Variants in SGCG observed in about 807,000 individuals in gnomAD.
The protein encoded by SGCG is gamma-sarcoglycan.
SGCG carries 26 observed loss-of-function variants against 29.3 expected under a neutral mutation model. That is an observed-to-expected ratio of 0.89 (90% CI 0.65 to 1.23). SGCG has a LOEUF of 1.23. Among genes scored for constraint, SGCG ranks in the 50% most tolerant of loss-of-function variants. The pLI is 0.00. For synonymous variants in SGCG, 145 were observed against 129.7 expected, an observed-to-expected ratio of 1.12 and a Z score of -0.80; for missense variants, 353 against 356.0, an observed-to-expected ratio of 0.99 and a Z score of 0.07.
chr13:23,213,348 G>A (rs1042251266), intron 2 of SGCG, among the ~76,000 whole-genome samples: 3 of 152,084 alleles, frequency 2.0e-5, no homozygotes, highest in African/African-American at 4.8e-5. Context: ...TGGGCGTGGT[G>A]GCACGTGCCT....
intron 3 of SGCG, 37 bp downstream of exon 3, chr13:23,234,749 G>A (rs764974939): frequency 1.4e-6 from 2 of 1,395,542 alleles, no homozygotes; most frequent in Admixed American, 1.7e-5. Context: ...TGTGCTTTAT[G>A]AAAAATAAAT....
At chr13:23,179,234 T>C (rs1876654500), upstream of SGCG, among the ~76,000 whole-genome samples, 2 of 152,232 alleles carry the variant, frequency 1.3e-5, no homozygotes, top group Admixed American at 6.5e-5. Context: ...CATTACAAAC[T>C]GAAGGTCTTG....
the SGCG span, among the ~76,000 whole-genome samples, chr13:23,164,678 A>G: frequency 1.3e-5 from 2 of 152,148 alleles, no homozygotes; most frequent in African/African-American, 4.8e-5. Flanking sequence ...GAAAGGATGC[A>G]AGAGACAGGA....
chr13:23,182,809 G>T (rs531443892), intron 1 of SGCG, among the ~76,000 whole-genome samples: 1 of 152,158 alleles, frequency 6.6e-6, no homozygotes, highest in Non-Finnish European at 1.5e-5. Flanking sequence ...GTGCCCAAAG[G>T]CGTTTGTGCT....
chr13:23,177,927 A>G (rs1876612839), upstream of SGCG, among the ~76,000 whole-genome samples: 1 of 152,068 alleles, frequency 6.6e-6, no homozygotes, highest in Non-Finnish European at 1.5e-5. Context: ...GTAGAAAAAG[A>G]TGGGAGGTAA....
chr13:23,207,254 T>G (rs1400118965), intron 2 of SGCG, among the ~76,000 whole-genome samples: 1 of 152,188 alleles, frequency 6.6e-6, no homozygotes, highest in African/African-American at 2.4e-5. Flanking sequence ...CTGGGAAAAC[T>G]GGATTTTCAC....
intron 6 of SGCG, among the ~76,000 whole-genome samples, chr13:23,299,414 A>G (rs192027815): frequency 0.075 from 584 of 7,832 alleles, 13 homozygotes; most frequent in East Asian, 0.28. Flanking sequence ...TGGCATATAT[A>G]TATATATATA....
intron 2 of SGCG, among the ~76,000 whole-genome samples, chr13:23,209,027 G>T (rs890565397): frequency 2.6e-5 from 4 of 151,878 alleles, no homozygotes; most frequent in African/African-American, 7.3e-5. Flanking sequence ...TGTAACTTTA[G>T]GTTATCATGA....
rs376900243 is a variant in SGCG, at chr13:23,283,904, C to A, written c.505+4426C>A. Among the ~76,000 whole-genome samples the A allele has an allele frequency of 9.9e-5, 15 of 152,270 alleles. No individual in the cohort carries two copies. In the East Asian group the frequency reaches 2.1e-3, roughly 22 times the overall value. ...AGTTTGAAATTCTGGGTTGAAAATT[C>A]TTTTCTTTAAGAATGTTGAATGTTG... On this transcript the variant is annotated intron_variant, in intron 5 of 7. Transcript: ENST00000218867.
Position 23,264,334 on chromosome 13 carries a change from G to T in SGCG, c.385+13617G>T, listed in dbSNP as rs1475958640. 2.0e-5 allele frequency among the ~76,000 whole-genome samples: 3 copies of T among 148,116 alleles called. No homozygotes were observed. In the Admixed American group the frequency reaches 2.1e-4, roughly 10 times the overall value. On this transcript the variant is annotated intron_variant, in intron 4 of 7. Transcript: ENST00000218867. ...CAAGAAGTCAATTCATTTTACAATG[G>T]TTACAAAAAAAAAATACCGAGAAAT...
intron 5 of SGCG, among the ~76,000 whole-genome samples, chr13:23,290,951 T>C (rs1480713105): frequency 6.6e-6 from 1 of 152,212 alleles, no homozygotes; most frequent in East Asian, 1.9e-4. Context: ...CTGGGCTCTG[T>C]ACCATGATCT....
At chr13:23,193,724 G>A (rs1593165465) in intron 1 of SGCG, among the ~76,000 whole-genome samples, 1 of 152,166 alleles carries the variant, frequency 6.6e-6, no homozygotes, top group Non-Finnish European at 1.5e-5. Context: ...TATCAGATTA[G>A]AGTAGAGAGT....
At chr13:23,286,667 TAAC>T (rs1275244744) in intron 5 of SGCG, among the ~76,000 whole-genome samples, 3 of 148,816 alleles carry the variant, frequency 2.0e-5, no homozygotes, top group Admixed American at 6.8e-5. Flanking sequence ...AGTAAGAGAT[TAAC>T]AACAATAGCT....
intron 4 of SGCG, among the ~76,000 whole-genome samples, chr13:23,272,064 T>C (rs1274822026): frequency 1.3e-5 from 2 of 152,196 alleles, no homozygotes; most frequent in Admixed American, 6.5e-5. Context: ...TCAGAGACTT[T>C]GGGGTTTGTC....
At chr13:23,177,401 G>T (rs1876590999), upstream of SGCG, among the ~76,000 whole-genome samples, 2 of 152,130 alleles carry the variant, frequency 1.3e-5, no homozygotes, top group Non-Finnish European at 2.9e-5. Context: ...TGTTTGAGGT[G>T]ATGGATATGC....
intron 4 of SGCG, among the ~76,000 whole-genome samples, chr13:23,253,242 C>A (rs1052027143): frequency 5.9e-5 from 9 of 152,114 alleles, no homozygotes; most frequent in Non-Finnish European, 1.2e-4. Flanking sequence ...GTCAGACCAT[C>A]TCTAAAAATA....
chr13:23,283,976 T>G (rs1881404009), intron 5 of SGCG, among the ~76,000 whole-genome samples: 1 of 152,224 alleles, frequency 6.6e-6, no homozygotes, highest in Non-Finnish European at 1.5e-5. Flanking sequence ...AGACATCCAC[T>G]GTTAGTCTGA....
chr13:23,188,680 G>C (rs1027050714), intron 1 of SGCG, among the ~76,000 whole-genome samples: 23 of 152,104 alleles, frequency 1.5e-4, no homozygotes, highest in Non-Finnish European at 2.5e-4. Context: ...ATGGTATCAT[G>C]AAGTTAGTGG....
At position 23,235,720 on chromosome 13, in the gene SGCG, G is replaced by A. The variant is rs539468200; in HGVS notation, c.297+1008G>A. Among the ~76,000 whole-genome samples, 27 of 152,264 alleles carry A rather than the reference G, an allele frequency of 1.8e-4. 1 individual carries two copies. In the South Asian group the frequency reaches 5.4e-3, roughly 30 times the overall value. On this transcript the variant is annotated intron_variant, in intron 3 of 7. Coordinates refer to ENST00000218867, the MANE Select transcript of SGCG (RefSeq NM_000231.3). ...GCACAAAAAGTTAAAACTTCACCCA[G>A]CTATAACTTTCTAGTTATGTGAAGA...
Sources: allele counts gnomAD v4.1 joint callset (sites outside exome capture counted in the v4.1 genomes callset), GRCh38; gene constraint gnomAD v4.1.1; transcripts MANE v1.5; gene names NCBI Gene and HGNC (gene_info 2026-07-23, HGNC 2026-07-21).